BAZ1B: variants seen among roughly 807,000 people sequenced by gnomAD.
The protein encoded by BAZ1B is tyrosine-protein kinase BAZ1B.
In BAZ1B, 22 loss-of-function variants were observed where a neutral mutation model predicts 153.8. The ratio of observed to expected loss-of-function variants is 0.14; its 90% CI spans 0.10 to 0.20. BAZ1B has a LOEUF of 0.20. Among genes scored for constraint, BAZ1B ranks in the 10% least tolerant of loss-of-function variants. BAZ1B has a pLI of 1.00. For missense variants in BAZ1B, 1,325 were observed against 1,799.3 expected, an observed-to-expected ratio of 0.74 and a Z score of 4.77; for synonymous variants, 676 against 633.4, an observed-to-expected ratio of 1.07 and a Z score of -1.01.
At chr7:73,482,793 T>C (rs537724036) in intron 6 of BAZ1B, among the ~76,000 whole-genome samples, 14 of 152,182 alleles carry the variant, frequency 9.2e-5, no homozygotes, top group Non-Finnish European at 1.8e-4. Context: ...AGCCACACCA[T>C]GTTTTTGTTT....
Position 73,477,987 on chromosome 7 carries a change from T to A in BAZ1B, c.1474A>T (p.Arg492Trp), listed in dbSNP as rs1789056404. 6.2e-7 allele frequency: 1 copy of A among 1,614,048 alleles called. No individual in the cohort carries two copies. Among genetic ancestry groups the A allele is most frequent in the Admixed American group, 1.7e-5 (1 of 59,988 alleles). Residue 492 changes from arginine (R) to tryptophan (W), a missense_variant, in exon 7 of 20, where the codon AGG (arginine) becomes TGG (tryptophan). Coordinates refer to ENST00000339594, the MANE Select transcript of BAZ1B (RefSeq NM_032408.4). This position sits in a 1 kb window ranked among gnomAD's most constrained non-coding sequence, Gnocchi z 5.6. ...GAGATAACACAGGACAGGGCGCTCC[T>A]CTTGTCCTCCCTGTCTTTGTTTTCT... The part of the protein sequence containing the change: ...YKENKDREDK[R>W]SALSCVISKT...
At chr7:73,512,748 A>G (rs1790639737) in intron 1 of BAZ1B, among the ~76,000 whole-genome samples, 1 of 152,258 alleles carries the variant, frequency 6.6e-6, no homozygotes, top group African/African-American at 2.4e-5. Context: ...TGTATATTCC[A>G]AGTGACACAT....
At chr7:73,469,467 A>C (rs782077986) in intron 9 of BAZ1B, 50 bp downstream of exon 9, 60 of 1,602,644 alleles carry the variant, frequency 3.7e-5, no homozygotes, top group Non-Finnish European at 4.7e-5. Context: ...CTTAATGTTG[A>C]GCCCACTTGA....
intron 15 of BAZ1B, 72 bp downstream of exon 15, chr7:73,449,470 A>G (rs956106745): frequency 2.0e-6 from 3 of 1,491,764 alleles, no homozygotes; most frequent in East Asian, 2.5e-5. Flanking sequence ...TTCTGTTTGA[A>G]TAACTCAAGC....
At chr7:73,486,336 T>C (rs1338494846) in intron 6 of BAZ1B, among the ~76,000 whole-genome samples, 3 of 152,052 alleles carry the variant, frequency 2.0e-5, no homozygotes, top group African/African-American at 7.2e-5. Flanking sequence ...TTTATTTATT[T>C]ATTTATTTGA....
intron 6 of BAZ1B, among the ~76,000 whole-genome samples, chr7:73,479,143 A>T (rs1273916106): frequency 6.6e-6 from 1 of 150,972 alleles, no homozygotes; most frequent in African/African-American, 2.5e-5. Flanking sequence ...AACAACATGA[A>T]CACTGCTCAT....
Position 73,450,783 on chromosome 7 carries a change from G to A in BAZ1B, c.3580+64C>T. On this transcript the variant is annotated intron_variant, in intron 14 of 19. Coordinates refer to ENST00000339594, the MANE Select transcript of BAZ1B (RefSeq NM_032408.4). This position sits in a 1 kb window ranked among gnomAD's most constrained non-coding sequence, Gnocchi z 4.1. ...CAAAATTCTTTTGGGTAGAAATGAA[G>A]ATCTTGGGAATAGAAATCCTACTCC... 6.4e-7 allele frequency: 1 copy of A among 1,569,132 alleles called. No homozygotes were observed. The highest frequency in any genetic ancestry group is 1.7e-5 in the Admixed American group (1 of 58,722).
chr7:73,466,991 G>A (rs931914756), intron 9 of BAZ1B, among the ~76,000 whole-genome samples: 1 of 152,158 alleles, frequency 6.6e-6, no homozygotes, highest in African/African-American at 2.4e-5. Context: ...GAGTGCAGTG[G>A]TACAATCTCA....
intron 5 of BAZ1B, among the ~76,000 whole-genome samples, chr7:73,491,962 AT>A (rs2116387826): frequency 6.7e-6 from 1 of 149,866 alleles, no homozygotes; most frequent in African/African-American, 2.5e-5. Flanking sequence ...ATTTCTTAGA[AT>A]CTTAGTTCCA....
chr7:73,502,678 T>A (rs1790181890), intron 3 of BAZ1B, among the ~76,000 whole-genome samples: 1 of 151,764 alleles, frequency 6.6e-6, no homozygotes, highest in Non-Finnish European at 1.5e-5. Context: ...CTTGGGAGAT[T>A]GAGGTGGGAG....
At chr7:73,505,619 T>C (rs1361196485) in intron 3 of BAZ1B, among the ~76,000 whole-genome samples, 2 of 148,802 alleles carry the variant, frequency 1.3e-5, no homozygotes, top group East Asian at 3.9e-4. Flanking sequence ...ATTAAACATT[T>C]GTCCTGAGAG....
At chr7:73,486,966 A>C (rs1789435611) in intron 6 of BAZ1B, among the ~76,000 whole-genome samples, 1 of 152,234 alleles carries the variant, frequency 6.6e-6, no homozygotes, top group South Asian at 2.1e-4. Flanking sequence ...GTGACATGTC[A>C]GATAGTATTA....
Position 73,469,641 on chromosome 7 carries a change from G to C in BAZ1B, c.2742C>G (p.Leu914=), listed in dbSNP as rs782248489. Residue 914 remains leucine, a synonymous_variant, in exon 9 of 20, where the codon CTC becomes CTG. Transcript: ENST00000339594. ...GTDRNHNRYW[L]FSDEVPGLFI... is the part of the protein sequence containing the mutation. Reference sequence around the variant, plus strand: ...ATAATCCTGGAACTTCATCTGAGAAGAGCCAGTATCTACAAATCACAACCA... The same window carrying C: ...ATAATCCTGGAACTTCATCTGAGAACAGCCAGTATCTACAAATCACAACCA... 1.5e-5 allele frequency: 25 copies of C among 1,613,954 alleles called. No individual in the cohort carries two copies. Among genetic ancestry groups the C allele is most frequent in the Non-Finnish European group, 2.1e-5 (25 of 1,179,982 alleles).
Position 73,477,338 on chromosome 7 carries a change from G to A in BAZ1B, c.2123C>T (p.Ser708Leu). ...TGAATCTTTATTGTCATCTGTGTCT[G>A]AGCCCTCGCTTTCCTCCTGAACATC... ...RSDVQEESEG[S>L]DTDDNKDSAA... is the part of the protein sequence containing the mutation. The change falls in exon 7 of 20, where the codon TCA (serine) becomes TTA (leucine). Residue 708 changes from serine (S) to leucine (L), a missense_variant. This residue lies in a region of BAZ1B where 431 missense variants were observed against 563.5 expected (regional missense o/e 0.76). Transcript: ENST00000339594. This position sits in a 1 kb window ranked among gnomAD's most constrained non-coding sequence, Gnocchi z 5.6. The A allele has an allele frequency of 6.2e-7, 1 of 1,614,250 alleles. No homozygotes were observed. The highest frequency in any genetic ancestry group is 8.5e-7 in the Non-Finnish European group (1 of 1,180,050).
intron 6 of BAZ1B, among the ~76,000 whole-genome samples, chr7:73,484,351 A>C (rs1288787457): frequency 2.6e-5 from 4 of 152,134 alleles, no homozygotes. Context: ...ATAGATAGAT[A>C]GATCAGCCAG....
chr7:73,489,427 G>T, intron 5 of BAZ1B, 36 bp from the exon 6 acceptor site: 1 of 1,606,792 alleles, frequency 6.2e-7, no homozygotes, highest in East Asian at 2.2e-5. Flanking sequence ...CACCACTGGG[G>T]TAAAAAGTAA....
intron 1 of BAZ1B, among the ~76,000 whole-genome samples, chr7:73,514,106 T>C (rs1790695951): frequency 6.6e-6 from 1 of 152,174 alleles, no homozygotes; most frequent in Admixed American, 6.6e-5. Context: ...TCCAATGAGC[T>C]CTTCCTTTGA....
Position 73,469,754 on chromosome 7 carries a change from CCA to C in BAZ1B, c.2733-106_2733-105del, listed in dbSNP as rs1293616131. On this transcript the variant is annotated intron_variant, in intron 8 of 19. Coordinates refer to ENST00000339594, the MANE Select transcript of BAZ1B (RefSeq NM_032408.4). ...ACAGAGTATCACTGAGCATTCAAAA[CCA>C]CAGTTTACAGAATTCTTCCTCTTCA... 5.5e-5 allele frequency: 73 copies of C among 1,337,332 alleles called. No homozygotes were observed. The East Asian group carries it at 1.1e-3, about 20-fold the overall frequency. The allele number at this position is 1,337,332 out of a possible 1,614,324, so 82.8% of individuals were successfully genotyped here.
intron 1 of BAZ1B, among the ~76,000 whole-genome samples, chr7:73,512,213 T>G (rs782726815): frequency 6.6e-6 from 1 of 151,990 alleles, no homozygotes; most frequent in Non-Finnish European, 1.5e-5. Flanking sequence ...GTCCAACCTT[T>G]GTCCAACCTG....
Sources: gnomAD v4.1 joint callset for allele counts (sites outside exome capture counted in the v4.1 genomes callset) on GRCh38, gnomAD v4.1.1 for gene constraint, gnomAD v4.1.1 regional missense constraint, Gnocchi (gnomAD v3.1) non-coding constraint, MANE v1.5 for transcripts, NCBI Gene and HGNC (gene_info 2026-07-23, HGNC 2026-07-21) for gene names.